The following XRCC4 variants were observed in gnomAD, a reference collection of about 807,000 sequenced individuals.
XRCC4 encodes DNA repair protein XRCC4.
A neutral mutation model predicts 39.1 loss-of-function variants in XRCC4; 28 were observed. That is an observed-to-expected ratio of 0.72 (90% CI 0.53 to 0.98). XRCC4 has a LOEUF of 0.98. XRCC4 is among the 50% of genes least tolerant of loss of function. The probability of loss-of-function intolerance (pLI) is 0.00; values close to 1 mark genes in which losing one functional copy is unlikely to be tolerated. For synonymous variants in XRCC4, 123 were observed against 126.4 expected, an observed-to-expected ratio of 0.97 and a Z score of 0.18; for missense variants, 350 against 376.4, an observed-to-expected ratio of 0.93 and a Z score of 0.58.
At chr5:83,218,235 C>CT (rs957091176) in intron 6 of XRCC4, among the ~76,000 whole-genome samples, 2 of 114,118 alleles carry the variant, frequency 1.8e-5, no homozygotes, top group African/African-American at 6.8e-5. Flanking sequence ...CACCCCACAA[C>CT]TTCTCAGTCT....
chr5:83,314,827 C>A (rs1429818996), intron 7 of XRCC4, among the ~76,000 whole-genome samples: 1 of 152,088 alleles, frequency 6.6e-6, no homozygotes, highest in Non-Finnish European at 1.5e-5. Flanking sequence ...GCTGTCTGCT[C>A]ATGTCCCTCC....
intron 6 of XRCC4, among the ~76,000 whole-genome samples, chr5:83,238,198 A>G (rs1223372248): frequency 2.6e-5 from 4 of 152,184 alleles, no homozygotes; most frequent in Non-Finnish European, 5.9e-5. Context: ...TAATCTAGAA[A>G]TGTAATCAAA....
intron 7 of XRCC4, among the ~76,000 whole-genome samples, chr5:83,315,023 C>T (rs1755831545): frequency 6.6e-6 from 1 of 152,082 alleles, no homozygotes; most frequent in South Asian, 2.1e-4. Flanking sequence ...TCAAAAGGTA[C>T]GTCTCTTTCA....
At chr5:83,151,452 T>C (rs1041693465) in intron 3 of XRCC4, among the ~76,000 whole-genome samples, 43 of 152,158 alleles carry the variant, frequency 2.8e-4, no homozygotes, top group Non-Finnish European at 1.5e-5. Context: ...TGCAAAAAGG[T>C]TCATAGAAAA....
Position 83,122,223 on chromosome 5 carries a change from G to C in XRCC4, c.315+11020G>C, listed in dbSNP as rs7734611. ...TCAATTTTTCCAAACAAGTCTGCTGGAATCTTAATTGAGGATGCATTGGAT... is the reference window on the plus strand; with the variant it reads ...TCAATTTTTCCAAACAAGTCTGCTGCAATCTTAATTGAGGATGCATTGGAT... On this transcript the variant is annotated intron_variant, in intron 3 of 7. Transcript: ENST00000396027. 6.6e-3 allele frequency among the ~76,000 whole-genome samples: 1,006 copies of C among 152,138 alleles called. 9 individuals are homozygous for C. The highest frequency in any genetic ancestry group is 0.022 in the African/African-American group (904 of 41,494).
chr5:83,081,896 G>A (rs908717070), intron 1 of XRCC4, among the ~76,000 whole-genome samples: 2 of 152,088 alleles, frequency 1.3e-5, no homozygotes, highest in African/African-American at 2.4e-5. Flanking sequence ...GTCCCAGACC[G>A]AACTCCTTTC....
intron 6 of XRCC4, among the ~76,000 whole-genome samples, chr5:83,234,547 A>G (rs1045798405): frequency 6.6e-6 from 1 of 152,040 alleles, no homozygotes; most frequent in Non-Finnish European, 1.5e-5. Flanking sequence ...GATGTACTCT[A>G]TTGTGCCCAG....
chr5:83,243,907 C>T (rs559155364), intron 6 of XRCC4, among the ~76,000 whole-genome samples: 2 of 152,228 alleles, frequency 1.3e-5, no homozygotes, highest in South Asian at 4.1e-4. Flanking sequence ...GTTCAGGGTT[C>T]TGCAAAACTT....
At chr5:83,084,481 G>A (rs185183374) in intron 1 of XRCC4, among the ~76,000 whole-genome samples, 16 of 152,292 alleles carry the variant, frequency 1.1e-4, no homozygotes, top group African/African-American at 3.9e-4. Context: ...CCAAAAAGAA[G>A]AAATACTTGC....
In XRCC4 at chr5:83,195,740, C is replaced by T. The variant is rs548460993; in HGVS notation, c.316-30C>T. On this transcript the variant is annotated intron_variant, in intron 3 of 7. Coordinates refer to ENST00000396027, the MANE Select transcript of XRCC4 (RefSeq NM_003401.5). ...GGCTTCTCAATCTTGATATTTTCCC[C>T]AAATTAACCATGTTTTTCTTTCATT... 32 of 1,517,792 alleles carry T rather than the reference C, an allele frequency of 2.1e-5. No individual in the cohort carries two copies. In the South Asian group the frequency reaches 4.0e-4, roughly 19 times the overall value. The allele number at this position is 1,517,792 out of a possible 1,614,324, so 94.0% of individuals were successfully genotyped here. A position where few individuals can be genotyped will look rare whatever the true frequency, so the allele number is the denominator to read the frequency against.
chr5:83,273,307 G>C (rs1293320872), intron 7 of XRCC4, among the ~76,000 whole-genome samples: 2 of 152,152 alleles, frequency 1.3e-5, no homozygotes, highest in African/African-American at 4.8e-5. Flanking sequence ...GTTCCTTGTA[G>C]ATTCTGGATA....
chr5:83,232,633 A>G (rs1334538359), intron 6 of XRCC4, among the ~76,000 whole-genome samples: 1 of 152,120 alleles, frequency 6.6e-6, no homozygotes, highest in Non-Finnish European at 1.5e-5. Context: ...AATTTTGTCC[A>G]AATTCTTCTA....
At chr5:83,113,688 T>A (rs10045744) in intron 3 of XRCC4, among the ~76,000 whole-genome samples, 3 of 151,408 alleles carry the variant, frequency 2.0e-5, no homozygotes, top group Non-Finnish European at 4.4e-5. Context: ...TGGCGTGATC[T>A]CCATCTCCAC....
At chr5:83,183,873 A>T (rs187605668) in intron 3 of XRCC4, among the ~76,000 whole-genome samples, 1 of 152,184 alleles carries the variant, frequency 6.6e-6, no homozygotes, top group African/African-American at 2.4e-5. Flanking sequence ...TAACTATCTT[A>T]TGGGCAATTT....
chr5:83,166,107 G>T (rs553252451), intron 3 of XRCC4, among the ~76,000 whole-genome samples: 22 of 151,970 alleles, frequency 1.4e-4, no homozygotes, highest in African/African-American at 4.8e-4. Context: ...GGCTGGTCTT[G>T]AACTCCTGAC....
chr5:83,336,189 A>G (rs16900325), intron 7 of XRCC4, among the ~76,000 whole-genome samples: 3,093 of 152,208 alleles, frequency 0.02, 108 homozygotes, highest in African/African-American at 0.07. Context: ...TAGAAGCCCA[A>G]TAACATTTTG....
intron 7 of XRCC4, among the ~76,000 whole-genome samples, chr5:83,269,391 A>G (rs28360258): frequency 2.6e-5 from 4 of 151,500 alleles, no homozygotes; most frequent in African/African-American, 9.7e-5. Context: ...ATAAATAATT[A>G]CAGTACAATG....
intron 3 of XRCC4, among the ~76,000 whole-genome samples, chr5:83,160,673 T>G (rs1749160355): frequency 6.6e-6 from 1 of 152,214 alleles, no homozygotes; most frequent in Non-Finnish European, 1.5e-5. Context: ...AGCATGTTCA[T>G]GTAGGAAGTT....
At chr5:83,082,639 C>G (rs1328068302) in intron 1 of XRCC4, among the ~76,000 whole-genome samples, 1 of 152,130 alleles carries the variant, frequency 6.6e-6, no homozygotes, top group Non-Finnish European at 1.5e-5. Context: ...CAGTCTTGTC[C>G]AACTTACAGC....
Sources: gnomAD v4.1 joint callset for allele counts (sites outside exome capture counted in the v4.1 genomes callset) on GRCh38, gnomAD v4.1.1 for gene constraint, MANE v1.5 for transcripts, NCBI Gene and HGNC (gene_info 2026-07-23, HGNC 2026-07-21) for gene names.